The following ROBO2 variants were observed in gnomAD, a reference collection of about 807,000 sequenced individuals.
ROBO2 encodes the protein roundabout guidance receptor 2.
In ROBO2, 53 loss-of-function variants were observed where a neutral mutation model predicts 160.8. That is an observed-to-expected ratio of 0.33 (90% CI 0.26 to 0.41). ROBO2 has a LOEUF of 0.41. Ranked by LOEUF, ROBO2 falls within the 10% of genes least tolerant of loss-of-function variation. ROBO2 has a pLI of 1.00. For missense variants in ROBO2, 1,577 were observed against 1,722.4 expected, an observed-to-expected ratio of 0.92 and a Z score of 1.49; for synonymous variants, 664 against 611.7, an observed-to-expected ratio of 1.09 and a Z score of -1.26.
At chr3:76,165,815 C>T (rs1208460397) in intron 2 of ROBO2, among the ~76,000 whole-genome samples, 2 of 151,990 alleles carry the variant, frequency 1.3e-5, no homozygotes, top group Non-Finnish European at 2.9e-5. Context: ...GGGAAACAGC[C>T]AGAAGCTAGC....
In ROBO2 at chr3:76,118,102, C is replaced by T. The variant is rs141779326; in HGVS notation, c.109+180500C>T. Among the ~76,000 whole-genome samples the T allele has an allele frequency of 5.9e-5, 9 of 152,110 alleles. No homozygotes were observed. In the East Asian group the frequency reaches 1.7e-3, roughly 30 times the overall value. On this transcript the variant is annotated intron_variant, in intron 2 of 26. Coordinates refer to the ROBO2 transcript ENST00000487694. Reference sequence around the variant, plus strand: ...GGCACATGTATACATATGTAACAAACCTGCACGTTGTGCACATGTACCCTA... The same window carrying T: ...GGCACATGTATACATATGTAACAAATCTGCACGTTGTGCACATGTACCCTA...
At chr3:77,577,811 AC>A (rs2093808557) in intron 15 of ROBO2, among the ~76,000 whole-genome samples, 197 bp downstream of exon 16, 1 of 152,112 alleles carries the variant, frequency 6.6e-6, no homozygotes, top group African/African-American at 2.4e-5. Flanking sequence ...GATCACACAA[AC>A]CCAGTTGAAC....
intron 2 of ROBO2, among the ~76,000 whole-genome samples, chr3:76,281,653 T>G (rs1708239097): frequency 6.6e-6 from 1 of 151,940 alleles, no homozygotes; most frequent in African/African-American, 2.4e-5. Context: ...AAAAAAATTC[T>G]TAGATACCGG....
intron 2 of ROBO2, among the ~76,000 whole-genome samples, chr3:76,896,265 A>C (rs998417095): frequency 5.9e-5 from 9 of 152,310 alleles, no homozygotes; most frequent in African/African-American, 1.9e-4. Flanking sequence ...ATTCTTAGCC[A>C]TAAGGGTTAA....
At chr3:76,882,752 T>G (rs1387641644) in intron 2 of ROBO2, among the ~76,000 whole-genome samples, 1 of 152,230 alleles carries the variant, frequency 6.6e-6, no homozygotes, top group Non-Finnish European at 1.5e-5. Context: ...TTGTTAAATT[T>G]TTCTGCCCAT....
intron 2 of ROBO2, among the ~76,000 whole-genome samples, chr3:76,705,723 A>G (rs954933898): frequency 6.6e-6 from 1 of 152,166 alleles, no homozygotes; most frequent in Non-Finnish European, 1.5e-5. Flanking sequence ...ACACTTCCAG[A>G]ATCACTTTAA....
Position 77,540,558 on chromosome 3 carries a change from G to A in ROBO2, c.935-5780G>A, listed in dbSNP as rs947679506. On this transcript the variant is annotated intron_variant, in intron 6 of 25. Transcript: ENST00000461745. The stretch of plus-strand genomic sequence containing the variant: ...ACAGGGAGGGGAACAATACACACTG[G>A]GGCCAGTCGGGGGCAGTGGGGGCGC... Among the ~76,000 whole-genome samples the A allele has an allele frequency of 2.6e-5, 4 of 151,882 alleles. 1 individual carries two copies. Among genetic ancestry groups the A allele is most frequent in the African/African-American group, 9.7e-5 (4 of 41,326 alleles).
At chr3:76,739,130 G>A (rs1560474654) in intron 2 of ROBO2, among the ~76,000 whole-genome samples, 1 of 152,086 alleles carries the variant, frequency 6.6e-6, no homozygotes, top group Non-Finnish European at 1.5e-5. Context: ...TCATTACTGG[G>A]TATATACCCA....
intron 2 of ROBO2, among the ~76,000 whole-genome samples, chr3:77,175,012 C>T (rs2080001528): frequency 6.6e-6 from 1 of 152,004 alleles, no homozygotes; most frequent in African/African-American, 2.4e-5. Flanking sequence ...CTTCTAATAC[C>T]TGAGGCTACA....
At chr3:76,645,583 G>A (rs975919177) in intron 2 of ROBO2, among the ~76,000 whole-genome samples, 2 of 152,214 alleles carry the variant, frequency 1.3e-5, no homozygotes, top group East Asian at 3.9e-4. Flanking sequence ...TAGACAGAGA[G>A]AGAGAGAATA....
chr3:76,015,355 C>T (rs550118039), intron 2 of ROBO2, among the ~76,000 whole-genome samples: 8 of 151,852 alleles, frequency 5.3e-5, no homozygotes, highest in East Asian at 1.9e-4. Flanking sequence ...ATTGAGAGTT[C>T]GCAATGATGT....
intron 2 of ROBO2, among the ~76,000 whole-genome samples, chr3:77,186,186 T>A (rs1048729314): frequency 6.6e-6 from 1 of 151,856 alleles, no homozygotes; most frequent in Non-Finnish European, 1.5e-5. Context: ...GAAATAAGTT[T>A]TTTTTTTTAA....
intron 2 of ROBO2, among the ~76,000 whole-genome samples, chr3:75,978,100 G>A (rs2065178830): frequency 6.6e-6 from 1 of 151,536 alleles, no homozygotes; most frequent in Non-Finnish European, 1.5e-5. Context: ...ATCAGCGATA[G>A]TAGTTTTCAG....
intron 2 of ROBO2, among the ~76,000 whole-genome samples, chr3:76,114,406 A>G (rs991837244): frequency 5.3e-5 from 8 of 152,182 alleles, no homozygotes; most frequent in Non-Finnish European, 1.2e-4. Context: ...CAAACTCTCA[A>G]TAAAGGAGTA....
At chr3:77,428,336 AAT>A (rs1491387393) in intron 2 of ROBO2, among the ~76,000 whole-genome samples, 5 of 128,144 alleles carry the variant, frequency 3.9e-5, no homozygotes, top group African/African-American at 1.2e-4. Flanking sequence ...AAACTTAGGT[AAT>A]ATTTTTTTTT....
intron 2 of ROBO2, among the ~76,000 whole-genome samples, chr3:76,320,517 A>T (rs1295419519): frequency 6.6e-6 from 1 of 152,184 alleles, no homozygotes; most frequent in Non-Finnish European, 1.5e-5. Context: ...TCATGAAAAA[A>T]GTAGTTATCA....
At chr3:75,987,768 G>T (rs1392311874) in intron 2 of ROBO2, among the ~76,000 whole-genome samples, 2 of 151,862 alleles carry the variant, frequency 1.3e-5, no homozygotes, top group African/African-American at 4.8e-5. Context: ...GAAAGATGTT[G>T]AATTTTACCA....
chr3:76,435,341 C>G, intron 2 of ROBO2: 1 of 814,342 alleles, frequency 1.2e-6, no homozygotes, highest in Non-Finnish European at 2.2e-6. Context: ...AAGGCGGTGA[C>G]TTTAATGAAT....
chr3:76,266,980 T>G (rs940900334), intron 2 of ROBO2, among the ~76,000 whole-genome samples: 2 of 152,180 alleles, frequency 1.3e-5, no homozygotes, highest in Non-Finnish European at 2.9e-5. Flanking sequence ...GTACTTAAAT[T>G]GAAATATTTT....
Sources: allele counts gnomAD v4.1 joint callset (sites outside exome capture counted in the v4.1 genomes callset), GRCh38; gene constraint gnomAD v4.1.1; transcripts MANE v1.5; gene names NCBI Gene and HGNC (gene_info 2026-07-23, HGNC 2026-07-21).